The following WWOX variants were observed in gnomAD, a reference collection of about 807,000 sequenced individuals.
The protein encoded by WWOX is WW domain containing oxidoreductase.
WWOX carries 69 observed loss-of-function variants against 46.2 expected under a neutral mutation model. The observed-to-expected ratio is 1.49, with a 90% CI of 1.23 to 1.82. The LOEUF (loss-of-function observed/expected upper bound fraction) is 1.82. WWOX is among the 40% of genes most tolerant of loss of function. The pLI is 0.00. For synonymous variants in WWOX, 359 were observed against 202.6 expected, an observed-to-expected ratio of 1.77 and a Z score of -6.56; for missense variants, 919 against 542.6, an observed-to-expected ratio of 1.69 and a Z score of -6.89.
chr16:78,750,640 C>G (rs1198072494), intron 8 of WWOX, among the ~76,000 whole-genome samples: 1 of 151,984 alleles, frequency 6.6e-6, no homozygotes, highest in African/African-American at 2.4e-5. Context: ...TTTCTCCTTC[C>G]CTCCCTAGTC....
intron 5 of WWOX, among the ~76,000 whole-genome samples, chr16:78,321,176 G>A (rs1247836757): frequency 6.6e-6 from 1 of 151,712 alleles, no homozygotes; most frequent in Non-Finnish European, 1.5e-5. Flanking sequence ...AATTGAAAAT[G>A]TATCTTTCTG....
chr16:78,526,811 A>T (rs1156429824), intron 8 of WWOX, among the ~76,000 whole-genome samples: 1 of 152,204 alleles, frequency 6.6e-6, no homozygotes, highest in East Asian at 1.9e-4. Context: ...TGAGGGTGGC[A>T]GTGATCTTGA....
At chr16:78,529,962 G>C (rs1194740835) in intron 8 of WWOX, among the ~76,000 whole-genome samples, 1 of 152,200 alleles carries the variant, frequency 6.6e-6, no homozygotes, top group Non-Finnish European at 1.5e-5. Context: ...AAATTTCCCT[G>C]ACCCCTTTGC....
At chr16:78,800,196 A>G (rs2050850215) in intron 8 of WWOX, among the ~76,000 whole-genome samples, 1 of 152,084 alleles carries the variant, frequency 6.6e-6, no homozygotes, top group Admixed American at 6.6e-5. Context: ...GAGAAAAAAT[A>G]TGGCGGTAGA....
chr16:78,480,367 GT>G (rs2084457655), intron 8 of WWOX, among the ~76,000 whole-genome samples: 1 of 152,168 alleles, frequency 6.6e-6, no homozygotes, highest in Non-Finnish European at 1.5e-5. Context: ...TATAACTTCT[GT>G]TTATCCATTA....
intron 5 of WWOX, among the ~76,000 whole-genome samples, chr16:78,368,053 G>C (rs72796012): frequency 0.053 from 8,087 of 152,188 alleles, 283 homozygotes; most frequent in East Asian, 0.12. Flanking sequence ...CTCTGTGCCC[G>C]GCTTCTGCCA....
intron 8 of WWOX, among the ~76,000 whole-genome samples, chr16:79,056,101 C>T (rs1426066210): frequency 6.6e-6 from 1 of 151,744 alleles, no homozygotes; most frequent in South Asian, 2.1e-4. Context: ...AAAGGAAAAC[C>T]ACTATCCCCA....
chr16:78,478,835 C>G (rs1164892197), intron 8 of WWOX, among the ~76,000 whole-genome samples: 1 of 151,964 alleles, frequency 6.6e-6, no homozygotes, highest in Non-Finnish European at 1.5e-5. Context: ...TTTATTTTTT[C>G]TCTCCCCTTT....
chr16:78,167,754 G>A (rs1464939100), intron 5 of WWOX: 1 of 152,154 alleles, frequency 6.6e-6, no homozygotes, highest in African/African-American at 2.4e-5. Flanking sequence ...CTGCAGAGAG[G>A]ATGTGAAGTC....
rs149098272 is a variant in WWOX, at chr16:78,723,772, C to A, written c.1056+291020C>A. ...ATTGCTTTCCCACCTCTGCCAAGGT[C>A]AAAAATGGAACTTGCTTCTTGTTCT... is the stretch of plus-strand genomic sequence containing the variant. On this transcript the variant is annotated intron_variant, in intron 8 of 8. Coordinates refer to ENST00000566780, the MANE Select transcript of WWOX (RefSeq NM_016373.4). 3.3e-5 allele frequency among the ~76,000 whole-genome samples: 5 copies of A among 152,074 alleles called. No homozygotes were observed. In the East Asian group the frequency reaches 5.8e-4, roughly 18 times the overall value.
At chr16:79,187,309 G>A (rs2051036099) in intron 8 of WWOX, among the ~76,000 whole-genome samples, 1 of 152,112 alleles carries the variant, frequency 6.6e-6, no homozygotes. Flanking sequence ...GAATATCGTG[G>A]TGCCCCCAAA....
intron 5 of WWOX, among the ~76,000 whole-genome samples, chr16:78,378,024 C>T (rs376076274): frequency 7.2e-5 from 11 of 151,760 alleles, no homozygotes; most frequent in African/African-American, 2.4e-4. Flanking sequence ...GATGGAGGGC[C>T]CTGGAGTGAA....
chr16:78,377,550 C>G (rs1010934721), intron 5 of WWOX, among the ~76,000 whole-genome samples: 3 of 152,156 alleles, frequency 2.0e-5, no homozygotes, highest in African/African-American at 4.8e-5. Flanking sequence ...AAAAAAAGCT[C>G]TTACTTCAAT....
intron 5 of WWOX, among the ~76,000 whole-genome samples, chr16:78,248,542 C>A (rs1460121381): frequency 2.6e-5 from 4 of 152,094 alleles, no homozygotes; most frequent in Non-Finnish European, 5.9e-5. Context: ...TTGAGACCAT[C>A]CTGCACAATA....
At chr16:78,366,075 T>A (rs1037760809) in intron 5 of WWOX, among the ~76,000 whole-genome samples, 8 of 152,190 alleles carry the variant, frequency 5.3e-5, no homozygotes, top group Admixed American at 5.2e-4. Flanking sequence ...ATGTCTGTTC[T>A]TAGCACCCTA....
chr16:78,855,607 C>G (rs887458984), intron 8 of WWOX, among the ~76,000 whole-genome samples: 3 of 152,196 alleles, frequency 2.0e-5, no homozygotes, highest in African/African-American at 4.8e-5. Flanking sequence ...TGTAGCCCAT[C>G]AGATTCTAGA....
chr16:79,059,887 G>C lies in WWOX; in HGVS notation c.1057-151721G>C, dbSNP rs569049930. On this transcript the variant is annotated intron_variant, in intron 8 of 8. Transcript: ENST00000566780. ...ACAAAAATAGCTTTATTAACAACTT[G>C]AGTAATTTATCAAGTTCAGATTCTT... 8.5e-5 allele frequency among the ~76,000 whole-genome samples: 13 copies of C among 152,322 alleles called. 1 individual carries two copies. The highest frequency in any genetic ancestry group is 3.1e-4 in the African/African-American group (13 of 41,566).
Position 78,786,511 on chromosome 16 carries a change from T to C in WWOX, c.1056+353759T>C, listed in dbSNP as rs1466935154. Among the ~76,000 whole-genome samples the C allele has an allele frequency of 5.3e-5, 8 of 152,364 alleles. No homozygotes were observed. In the East Asian group the frequency reaches 1.5e-3, roughly 29 times the overall value. On this transcript the variant is annotated intron_variant, in intron 8 of 8. Transcript: ENST00000566780. ...GTACTTTTTAGTATGATTTATTTAA[T>C]AGTAACCTTATATAATGTTTTTCTT...
intron 6 of WWOX, among the ~76,000 whole-genome samples, chr16:78,407,983 C>G (rs1042916533): frequency 2.0e-5 from 3 of 152,176 alleles, no homozygotes; most frequent in Non-Finnish European, 1.5e-5. Flanking sequence ...GCCAAGTCCC[C>G]TGTCCCTGCT....
Sources: gnomAD v4.1 joint callset for allele counts (sites outside exome capture counted in the v4.1 genomes callset) on GRCh38, gnomAD v4.1.1 for gene constraint, MANE v1.5 for transcripts, NCBI Gene and HGNC (gene_info 2026-07-23, HGNC 2026-07-21) for gene names.